SMARCA4: variants seen among roughly 807,000 people sequenced by gnomAD.
SMARCA4 encodes the protein SWI/SNF-related matrix-associated actin-dependent regulator of chromatin subfamily A member 4.
Under a neutral mutation model 193.9 loss-of-function variants are expected in SMARCA4, and 31 were observed. That is an observed-to-expected ratio of 0.16 (90% CI 0.12 to 0.22). The LOEUF (loss-of-function observed/expected upper bound fraction) is 0.22. Among genes scored for constraint, SMARCA4 ranks in the 10% least tolerant of loss-of-function variants. The probability of loss-of-function intolerance (pLI) is 1.00; values close to 1 mark genes in which losing one functional copy is unlikely to be tolerated. For missense variants in SMARCA4, 1,148 were observed against 2,296.0 expected, an observed-to-expected ratio of 0.50 and a Z score of 10.22; for synonymous variants, 942 against 933.1, an observed-to-expected ratio of 1.01 and a Z score of -0.17.
chr19:11,061,454 CAA>C (rs2076890893), intron 34 of SMARCA4, among the ~76,000 whole-genome samples: 1 of 151,920 alleles, frequency 6.6e-6, no homozygotes, highest in Admixed American at 6.6e-5. Context: ...CGGCTCACTG[CAA>C]GCTCCACCCC....
At chr19:11,029,884 C>G (rs1156747053) in intron 24 of SMARCA4, among the ~76,000 whole-genome samples, 7 of 152,148 alleles carry the variant, frequency 4.6e-5, no homozygotes, top group Non-Finnish European at 8.8e-5. Context: ...CCATGTTGGC[C>G]AGGCTGGTCT....
chr19:10,961,855 C>T (rs978988678), intron 1 of SMARCA4: 4 of 152,234 alleles, frequency 2.6e-5, no homozygotes, highest in African/African-American at 7.2e-5. Context: ...AAAAGCATTG[C>T]TTTTCTTTTG....
At chr19:10,967,392 G>A (rs924741802) in intron 1 of SMARCA4, among the ~76,000 whole-genome samples, 3 of 151,486 alleles carry the variant, frequency 2.0e-5, no homozygotes, top group African/African-American at 4.9e-5. Context: ...CTCACTGCAA[G>A]CTCCCCCTTC....
chr19:11,003,953 C>G (rs1272055815), intron 13 of SMARCA4, among the ~76,000 whole-genome samples: 1 of 151,836 alleles, frequency 6.6e-6, no homozygotes, highest in African/African-American at 2.4e-5. Flanking sequence ...CTGAAGTGAT[C>G]CACCTGCCTC....
In SMARCA4 at chr19:10,988,324, T is replaced by A. The variant is rs1010393274; in HGVS notation, c.1118+400T>A. ...TTTTAGTAGAGGCAGGGTTTCTCCA[T>A]GTTGGTCAGGCTGGTCTCGAGCTCC... On this transcript the variant is annotated intron_variant, in intron 6 of 34. Coordinates refer to ENST00000344626, the MANE Select transcript of SMARCA4 (RefSeq NM_003072.5). 5.9e-5 allele frequency among the ~76,000 whole-genome samples: 9 copies of A among 152,138 alleles called. No individual in the cohort carries two copies. The East Asian group carries it at 1.7e-3, about 29-fold the overall frequency.
chr19:11,019,418 G>A lies in SMARCA4; in HGVS notation c.2506-173G>A, dbSNP rs1309618549. On this transcript the variant is annotated intron_variant, in intron 17 of 34. Transcript: ENST00000344626. The surrounding 1 kb of genome is among the most constrained non-coding windows in gnomAD (Gnocchi z 6.1). ...CTTCCCCCTGCAGCGCGTGTTCTGC[G>A]TGGTGAGGTCTGGGGACGCGCCAGC... The A allele has an allele frequency of 1.1e-5, 7 of 637,354 alleles. No homozygotes were observed. Among genetic ancestry groups the A allele is most frequent in the Admixed American group, 4.6e-5 (2 of 43,208 alleles). 39.5% of individuals were successfully genotyped at this position (637,354 alleles called of 1,614,324 possible).
At chr19:10,967,877 T>G (rs1051795236) in intron 1 of SMARCA4, among the ~76,000 whole-genome samples, 1 of 150,474 alleles carries the variant, frequency 6.6e-6, no homozygotes, top group Non-Finnish European at 1.5e-5. Context: ...TAATTTTTAT[T>G]TATTTATTTA....
chr19:11,035,569 C>T (rs73013175), intron 29 of SMARCA4, among the ~76,000 whole-genome samples: 1,612 of 152,306 alleles, frequency 0.011, 15 homozygotes, highest in African/African-American at 0.024. Context: ...CAAGTCCCCC[C>T]CCATGAGCTG....
At chr19:10,980,681 C>T (rs928665369) in intron 1 of SMARCA4, 2 of 152,084 alleles carry the variant, frequency 1.3e-5, no homozygotes, top group Non-Finnish European at 2.9e-5. Flanking sequence ...TCAGTCACTT[C>T]CCAGTGTATG....
chr19:10,996,685 C>A, intron 11 of SMARCA4, 141 bp downstream of exon 11: 1 of 801,000 alleles, frequency 1.2e-6, no homozygotes, highest in Non-Finnish European at 2.1e-6. Context: ...TCCTCTGACG[C>A]CCATCCCACC....
rs2088982259 is a variant in SMARCA4, at chr19:11,012,852, A to G, written c.2275-97A>G. 1.4e-5 allele frequency: 16 copies of G among 1,135,356 alleles called. 2 individuals are homozygous for G. In the Middle Eastern group the frequency reaches 6.5e-4, roughly 46 times the overall value. The allele number at this position is 1,135,356 out of a possible 1,614,324, so 70.3% of individuals were successfully genotyped here. A position where few individuals can be genotyped will look rare whatever the true frequency, so the allele number is the denominator to read the frequency against. On this transcript the variant is annotated intron_variant, in intron 15 of 34. Coordinates refer to ENST00000344626, the MANE Select transcript of SMARCA4 (RefSeq NM_003072.5). ...GAGGGTGGGATGTGGCTTAGGCAGA[A>G]CTCGTGGCTGGCGGTGTCTTGACTC...
At chr19:10,991,067 CAT>C (rs1429981858) in intron 7 of SMARCA4, 81 bp from the exon 8 acceptor site, 2 of 1,585,616 alleles carry the variant, frequency 1.3e-6, no homozygotes, top group Non-Finnish European at 1.7e-6. Context: ...AGCGGTGAAG[CAT>C]GTGACATCAC....
intron 29 of SMARCA4, among the ~76,000 whole-genome samples, chr19:11,038,239 C>T (rs987076629): frequency 2.0e-5 from 3 of 152,218 alleles, no homozygotes; most frequent in Non-Finnish European, 4.4e-5. Context: ...CTTGGGGCAG[C>T]GTCACCCCAT....
At chr19:11,054,105 A>G (rs6511718) in intron 30 of SMARCA4, among the ~76,000 whole-genome samples, 42,473 of 152,136 alleles carry the variant, frequency 0.28, 6,096 homozygotes, top group South Asian at 0.33. Flanking sequence ...TAGAATGGCT[A>G]CAAGGACAAG....
At chr19:11,047,964 A>G (rs185001242) in intron 30 of SMARCA4, among the ~76,000 whole-genome samples, 2 of 152,194 alleles carry the variant, frequency 1.3e-5, no homozygotes, top group African/African-American at 2.4e-5. Flanking sequence ...CTTTTTTATT[A>G]TTATTATTAT....
Position 11,033,508 on chromosome 19 carries a change from G to A in SMARCA4, c.3765G>A (p.Glu1255=), listed in dbSNP as rs183060137. Residue 1255 remains glutamate (E), a synonymous_variant, in exon 26 of 35, where the codon GAG becomes GAA. Transcript: ENST00000344626. This position sits in a 1 kb window ranked among gnomAD's most constrained non-coding sequence, Gnocchi z 9.8. ...TGCAGGCCATCCTGGAGCACGAGGAGCAGGATGAGGTGAGCCCAGCACCGG... is the reference window on the plus strand; with the variant it reads ...TGCAGGCCATCCTGGAGCACGAGGAACAGGATGAGGTGAGCCCAGCACCGG... ...AFLQAILEHE[E]QDESRHCSTG... 4.7e-5 allele frequency: 75 copies of A among 1,612,236 alleles called. No individual in the cohort carries two copies. The East Asian group carries it at 1.6e-3, about 35-fold the overall frequency.
Position 11,058,750 on chromosome 19 carries a change from G to C in SMARCA4, c.4534-38G>C, listed in dbSNP as rs2147095368. 1 of 1,560,184 alleles carries C rather than the reference G, an allele frequency of 6.4e-7. No individual in the cohort carries two copies. The highest frequency in any genetic ancestry group is 8.8e-7 in the Non-Finnish European group (1 of 1,131,256). ...CCAGGCCTGCGGGCAGGCGAGGCGG[G>C]GTCCTGAGGTAAGACCTGCTCCTCC... On this transcript the variant is annotated intron_variant, in intron 31 of 34. Coordinates refer to ENST00000344626, the MANE Select transcript of SMARCA4 (RefSeq NM_003072.5). This position sits in a 1 kb window ranked among gnomAD's most constrained non-coding sequence, Gnocchi z 5.8.
At chr19:11,052,912 G>A (rs1296812781) in intron 30 of SMARCA4, among the ~76,000 whole-genome samples, 1 of 152,146 alleles carries the variant, frequency 6.6e-6, no homozygotes, top group Non-Finnish European at 1.5e-5. Context: ...TCATTTCGTC[G>A]TGTAAAAGGC....
At chr19:11,016,011 C>CA (rs576632258) in intron 16 of SMARCA4, 2,877 of 143,526 alleles carry the variant, frequency 0.02, 50 homozygotes, top group Middle Eastern at 0.028. Context: ...AACGCCTTCT[C>CA]AAAAAAAAAA....
Sources: gnomAD v4.1 joint callset for allele counts (sites outside exome capture counted in the v4.1 genomes callset) on GRCh38, gnomAD v4.1.1 for gene constraint, Gnocchi (gnomAD v3.1) non-coding constraint, MANE v1.5 for transcripts, NCBI Gene and HGNC (gene_info 2026-07-23, HGNC 2026-07-21) for gene names.